The following CACNA2D1 variants were observed in gnomAD, a reference collection of about 807,000 sequenced individuals.
The protein encoded by CACNA2D1 is voltage-dependent calcium channel subunit alpha-2/delta-1.
CACNA2D1 carries 53 observed loss-of-function variants against 171.5 expected under a neutral mutation model. That is an observed-to-expected ratio of 0.31 (90% CI 0.25 to 0.39). The LOEUF (loss-of-function observed/expected upper bound fraction) is 0.39, where lower values mean the gene tolerates loss of function less well. Ranked by LOEUF, CACNA2D1 falls within the 10% of genes least tolerant of loss-of-function variation. The pLI, the probability that CACNA2D1 is intolerant of heterozygous loss-of-function variation, is 1.00. For synonymous variants in CACNA2D1, 442 were observed against 443.1 expected (o/e 1.00, Z 0.03); for missense variants, 903 against 1,299.8 (o/e 0.69, Z 4.69).
intron 21 of CACNA2D1, 127 bp downstream of exon 21, chr7:81,991,058 A>G (rs556272319): frequency 3.9e-5 from 23 of 589,014 alleles, no homozygotes; most frequent in African/African-American, 3.3e-4. Context: ...AAATTAGTCT[A>G]TAAGTTTAGT....
intron 1 of CACNA2D1, among the ~76,000 whole-genome samples, chr7:82,421,532 C>T (rs1828715774): frequency 6.6e-6 from 1 of 152,038 alleles, no homozygotes; most frequent in Non-Finnish European, 1.5e-5. Context: ...TACATAAAAA[C>T]AAGAATTTGA....
intron 32 of CACNA2D1, among the ~76,000 whole-genome samples, 173 bp downstream of exon 32, chr7:81,965,421 T>C (rs1247038578): frequency 1.3e-5 from 2 of 151,930 alleles, no homozygotes; most frequent in Non-Finnish European, 2.9e-5. Flanking sequence ...ACATAAAAAC[T>C]AGACTTAGCA....
At chr7:82,438,206 A>G (rs1417077169) in intron 1 of CACNA2D1, among the ~76,000 whole-genome samples, 1 of 152,134 alleles carries the variant, frequency 6.6e-6, no homozygotes, top group African/African-American at 2.4e-5. Context: ...ATCCCTGAAA[A>G]CAGTTGTGGA....
rs1806579693 is a variant in CACNA2D1, at chr7:82,060,194, AT to A, written c.879+233del. 4.7e-4 allele frequency among the ~76,000 whole-genome samples: 5 copies of A among 10,566 alleles called. 1 individual carries two copies. The highest frequency in any genetic ancestry group is 5.6e-3 in the South Asian group (1 of 180). The allele number at this position is 10,566 out of a possible 152,430, so 6.9% of individuals were successfully genotyped here. ...TATATATATAATATATATATATTAT[AT>A]ATATATTATATATATAATATATATA... On this transcript the variant is annotated intron_variant, in intron 10 of 38. Coordinates refer to ENST00000356860, the MANE Select transcript of CACNA2D1 (RefSeq NM_000722.4).
chr7:82,232,861 C>CAAAAAAAAAAAA (rs71093370), intron 3 of CACNA2D1, among the ~76,000 whole-genome samples: 10 of 52,450 alleles, frequency 1.9e-4, no homozygotes, highest in African/African-American at 6.6e-4. Flanking sequence ...GAGATGTCTC[C>CAAAAAAAAAAAA]AAAAAAAAAA....
intron 6 of CACNA2D1, among the ~76,000 whole-genome samples, chr7:82,107,904 TTTTTATTGAGA>T (rs1787945998): frequency 6.6e-6 from 1 of 152,136 alleles, no homozygotes; most frequent in African/African-American, 2.4e-5. Context: ...AATTGAGACA[TTTTTATTGAGA>T]TTGTTTTTAT....
rs1371737796 is a variant in CACNA2D1, at chr7:82,005,501, G to T, written c.1516-4C>A. 5.3e-6 allele frequency: 8 copies of T among 1,503,636 alleles called. No individual in the cohort carries two copies. The highest frequency in any genetic ancestry group is 2.1e-5 in the Admixed American group (1 of 48,108). The allele number at this position is 1,503,636 out of a possible 1,614,324, so 93.1% of individuals were successfully genotyped here. A position where few individuals can be genotyped will look rare whatever the true frequency, so the allele number is the denominator to read the frequency against. ...AGTAATACCCATTGGGGCACAGCTG[G>T]AAAAGAAAAAAAAAAAAAAGCTTGG... On this transcript the variant is annotated splice_region_variant and splice_polypyrimidine_tract_variant and intron_variant, in intron 17 of 38. Transcript: ENST00000356860.
intron 16 of CACNA2D1, among the ~76,000 whole-genome samples, chr7:82,006,658 T>C (rs1373182087): frequency 6.6e-6 from 1 of 152,116 alleles, no homozygotes; most frequent in East Asian, 1.9e-4. Flanking sequence ...AATCCTAGTC[T>C]GAGCAAAAAC....
In CACNA2D1 at chr7:82,349,645, T is replaced by C; in HGVS notation, c.100A>G (p.Lys34Glu). ...EEPFPSAVTI[K>E]SWVDKMQEDL... ...TCTTGCATCTTATCCACCCATGATT[T>C]GATACTGCAGAAATCAGAAAAGATT... Residue 34 changes from lysine to glutamate, a missense_variant, in exon 2 of 39, where the codon AAA becomes GAA. Lys to Glu is a moderately conservative substitution (Grantham distance 56). Around this residue, in one of 5 missense-constraint regions of CACNA2D1, gnomAD observed 189 missense variants for 266.8 expected, o/e 0.71. Coordinates refer to ENST00000356860, the MANE Select transcript of CACNA2D1 (RefSeq NM_000722.4). 2 of 1,612,260 alleles carry C rather than the reference T, an allele frequency of 1.2e-6. No homozygotes were observed. Among genetic ancestry groups the C allele is most frequent in the Non-Finnish European group, 1.7e-6 (2 of 1,178,308 alleles).
At chr7:82,328,086 A>G (rs1275636779) in intron 3 of CACNA2D1, among the ~76,000 whole-genome samples, 1 of 152,158 alleles carries the variant, frequency 6.6e-6, no homozygotes, top group African/African-American at 2.4e-5. Context: ...GTCACTGGGT[A>G]AACATGTCGA....
chr7:82,235,143 CT>C (rs797010818), intron 3 of CACNA2D1, among the ~76,000 whole-genome samples: 1 of 151,808 alleles, frequency 6.6e-6, no homozygotes, highest in Non-Finnish European at 1.5e-5. Flanking sequence ...AAATTATGTT[CT>C]TTTTTTTTAA....
At chr7:82,370,325 G>A (rs1822242298) in intron 1 of CACNA2D1, among the ~76,000 whole-genome samples, 1 of 151,950 alleles carries the variant, frequency 6.6e-6, no homozygotes, top group Non-Finnish European at 1.5e-5. Flanking sequence ...CCAAGGTTAA[G>A]TATGAAATTT....
chr7:82,043,429 C>A (rs1427930485), intron 10 of CACNA2D1, among the ~76,000 whole-genome samples: 6 of 152,120 alleles, frequency 3.9e-5, no homozygotes, highest in Non-Finnish European at 8.8e-5. Flanking sequence ...AGATAAACTG[C>A]CTCAGCTGTA....
At chr7:82,190,739 A>G (rs1196086191) in intron 3 of CACNA2D1, among the ~76,000 whole-genome samples, 3 of 151,716 alleles carry the variant, frequency 2.0e-5, no homozygotes, top group African/African-American at 7.2e-5. Context: ...TATGAAAAAA[A>G]GAAATTCATA....
chr7:81,966,507 T>A (rs1028063826), intron 31 of CACNA2D1, among the ~76,000 whole-genome samples: 2 of 151,398 alleles, frequency 1.3e-5, no homozygotes, highest in Non-Finnish European at 3.0e-5. Context: ...ACCCCCTGCT[T>A]CCCTTGGAGA....
At chr7:81,975,709 G>A (rs1490037259) in intron 24 of CACNA2D1, among the ~76,000 whole-genome samples, 1 of 152,058 alleles carries the variant, frequency 6.6e-6, no homozygotes, top group African/African-American at 2.4e-5. Context: ...TTTAGAAAAT[G>A]AGTTGTGTAC....
chr7:82,349,486 T>G (rs546608049), intron 2 of CACNA2D1, 82 bp downstream of exon 2: 3 of 1,093,982 alleles, frequency 2.7e-6, no homozygotes, highest in Non-Finnish European at 4.2e-6. Context: ...ATTTGTAATA[T>G]AGAGACACAG....
chr7:82,245,200 G>A (rs1804759779), intron 3 of CACNA2D1, among the ~76,000 whole-genome samples: 1 of 152,120 alleles, frequency 6.6e-6, no homozygotes. Flanking sequence ...GCAATTCTGT[G>A]GCAAACACTA....
At chr7:82,388,261 TTCA>T (rs1462975347) in intron 1 of CACNA2D1, among the ~76,000 whole-genome samples, 2 of 152,150 alleles carry the variant, frequency 1.3e-5, no homozygotes, top group Non-Finnish European at 2.9e-5. Context: ...TTTATTATAT[TTCA>T]CAATCAAAGG....
Sources: allele counts gnomAD v4.1 joint callset (sites outside exome capture counted in the v4.1 genomes callset), GRCh38; gene constraint gnomAD v4.1.1; regional missense constraint gnomAD v4.1.1; transcripts MANE v1.5; gene names NCBI Gene and HGNC (gene_info 2026-07-23, HGNC 2026-07-21).